Variants in LYPD6B observed in about 807,000 individuals in gnomAD.
The protein encoded by LYPD6B is ly6/PLAUR domain-containing protein 6B.
LYPD6B carries 17 observed loss-of-function variants against 22.8 expected under a neutral mutation model. The ratio of observed to expected loss-of-function variants is 0.75; its 90% CI spans 0.51 to 1.12. The LOEUF (loss-of-function observed/expected upper bound fraction) is 1.12. LYPD6B is among the 50% of genes most tolerant of loss of function. LYPD6B has a pLI of 0.00. For synonymous variants in LYPD6B, 106 were observed against 91.6 expected (o/e 1.16, Z -0.90); for missense variants, 221 against 258.3 (o/e 0.86, Z 0.99).
At chr2:149,062,427 C>T (rs11887330) in intron 1 of LYPD6B, among the ~76,000 whole-genome samples, 3,364 of 152,224 alleles carry the variant, frequency 0.022, 121 homozygotes, top group African/African-American at 0.076. Flanking sequence ...GCCCATTTAT[C>T]AGAGAAGGGG....
chr2:149,182,104 G>A (rs1691773233), intron 3 of LYPD6B, among the ~76,000 whole-genome samples: 1 of 152,174 alleles, frequency 6.6e-6, no homozygotes, highest in African/African-American at 2.4e-5. Context: ...AAGAGTCAAA[G>A]AGGTATTGTG....
intron 1 of LYPD6B, among the ~76,000 whole-genome samples, chr2:149,065,181 G>C (rs1323979393): frequency 1.3e-5 from 2 of 152,138 alleles, no homozygotes; most frequent in African/African-American, 2.4e-5. Context: ...TGAATTCATG[G>C]ACTACCTCCT....
At chr2:149,073,559 G>A (rs926862620) in intron 1 of LYPD6B, among the ~76,000 whole-genome samples, 3 of 152,016 alleles carry the variant, frequency 2.0e-5, no homozygotes, top group South Asian at 2.1e-4. Context: ...CAGCTGTTTG[G>A]GGCTCTGTGC....
chr2:149,129,684 G>A (rs1312443483), intron 1 of LYPD6B, among the ~76,000 whole-genome samples: 1 of 152,198 alleles, frequency 6.6e-6, no homozygotes. Context: ...TTCCTGTGGT[G>A]TATGCAGCAT....
chr2:149,193,865 A>G (rs893534807), intron 3 of LYPD6B, among the ~76,000 whole-genome samples: 1 of 152,192 alleles, frequency 6.6e-6, no homozygotes, highest in African/African-American at 2.4e-5. Flanking sequence ...TTCCATGTAG[A>G]TATTGATAGG....
intron 2 of LYPD6B, among the ~76,000 whole-genome samples, chr2:149,133,560 CT>C (rs1688161895): frequency 6.6e-5 from 10 of 152,218 alleles, no homozygotes; most frequent in Admixed American, 5.2e-4. Context: ...AGCTGGGCAT[CT>C]TTCAAGAGTA....
At chr2:149,087,952 G>A (rs537683234) in intron 1 of LYPD6B, among the ~76,000 whole-genome samples, 1 of 152,114 alleles carries the variant, frequency 6.6e-6, no homozygotes, top group Admixed American at 6.5e-5. Flanking sequence ...AGGGGGTAAC[G>A]CTCATCTCAC....
At chr2:149,146,344 C>T (rs1438603182) in intron 2 of LYPD6B, among the ~76,000 whole-genome samples, 1 of 151,528 alleles carries the variant, frequency 6.6e-6, no homozygotes, top group African/African-American at 2.4e-5. Flanking sequence ...GAGTTAATAG[C>T]AAGTGAAAGG....
chr2:149,088,099 C>G (rs1276759455), intron 1 of LYPD6B, among the ~76,000 whole-genome samples: 3 of 151,122 alleles, frequency 2.0e-5, no homozygotes, highest in African/African-American at 7.3e-5. Context: ...TGTTGCTCCC[C>G]CCACCCAACT....
Position 149,160,758 on chromosome 2 carries a change from T to C in LYPD6B, c.6-6T>C. The C allele has an allele frequency of 6.4e-7, 1 of 1,550,388 alleles. No homozygotes were observed. The highest frequency in any genetic ancestry group is 8.7e-7 in the Non-Finnish European group (1 of 1,144,584). On this transcript the variant is annotated splice_region_variant and splice_polypyrimidine_tract_variant and intron_variant, in intron 2 of 6. Coordinates refer to ENST00000409642, the MANE Select transcript of LYPD6B (RefSeq NM_177964.5). ...CTCTTTCCTTATCTTTTTTTATCTC[T>C]GGTAGGCTGATTACTCTGAGTGCAA...
intron 1 of LYPD6B, among the ~76,000 whole-genome samples, chr2:149,042,861 A>G (rs1683148252): frequency 6.6e-6 from 1 of 152,228 alleles, no homozygotes; most frequent in Admixed American, 6.5e-5. Context: ...CAAAAAGGAC[A>G]GGTGTTCATG....
chr2:149,204,345 C>T (rs1385951842), intron 3 of LYPD6B, among the ~76,000 whole-genome samples: 1 of 152,158 alleles, frequency 6.6e-6, no homozygotes, highest in Non-Finnish European at 1.5e-5. Flanking sequence ...TTTTCTGCTG[C>T]CCACACCTCC....
At chr2:149,127,035 A>G (rs1687740361) in intron 1 of LYPD6B, among the ~76,000 whole-genome samples, 1 of 148,562 alleles carries the variant, frequency 6.7e-6, no homozygotes, top group Non-Finnish European at 1.5e-5. Context: ...TAATGATTTT[A>G]TACTGTTGTT....
intron 3 of LYPD6B, among the ~76,000 whole-genome samples, chr2:149,180,879 A>G (rs949040277): frequency 1.3e-5 from 2 of 152,198 alleles, no homozygotes; most frequent in Non-Finnish European, 2.9e-5. Flanking sequence ...ATGTACTTTA[A>G]AAAGGCCTCT....
chr2:149,168,191 A>T (rs1690558536), intron 3 of LYPD6B, among the ~76,000 whole-genome samples: 1 of 147,606 alleles, frequency 6.8e-6, no homozygotes, highest in African/African-American at 2.5e-5. Context: ...TAGCCTGGGC[A>T]ACAGAGTGAG....
intron 2 of LYPD6B, among the ~76,000 whole-genome samples, chr2:149,134,518 G>A (rs1003049759): frequency 4.6e-5 from 7 of 152,178 alleles, no homozygotes; most frequent in African/African-American, 1.7e-4. Context: ...TATAAATGTA[G>A]AGTTGTTTTA....
chr2:149,054,591 G>T (rs72867515), intron 1 of LYPD6B, among the ~76,000 whole-genome samples: 1 of 151,936 alleles, frequency 6.6e-6, no homozygotes, highest in Non-Finnish European at 1.5e-5. Context: ...AAACACGAAA[G>T]GTTTTAATTT....
chr2:149,122,181 T>C (rs916283161), intron 1 of LYPD6B, among the ~76,000 whole-genome samples: 1 of 152,118 alleles, frequency 6.6e-6, no homozygotes, highest in African/African-American at 2.4e-5. Context: ...TGGGTCACAG[T>C]GGGAGAGCTG....
intron 1 of LYPD6B, among the ~76,000 whole-genome samples, chr2:149,074,656 G>A (rs1684798620): frequency 6.6e-6 from 1 of 152,194 alleles, no homozygotes; most frequent in Non-Finnish European, 1.5e-5. Context: ...GATTCTAGAA[G>A]GTAGCTAAAT....
Sources: allele counts gnomAD v4.1 joint callset (sites outside exome capture counted in the v4.1 genomes callset), GRCh38; gene constraint gnomAD v4.1.1; transcripts MANE v1.5; gene names NCBI Gene and HGNC (gene_info 2026-07-23, HGNC 2026-07-21).